DTYMK: variants seen among roughly 807,000 people sequenced by gnomAD.
The protein encoded by DTYMK is deoxythymidylate kinase.
DTYMK carries 20 observed loss-of-function variants against 20.3 expected under a neutral mutation model. The observed-to-expected ratio is 0.99, with a 90% CI of 0.69 to 1.43. The LOEUF (loss-of-function observed/expected upper bound fraction) is 1.43. Ranked by LOEUF, DTYMK falls within the 40% of genes most tolerant of loss-of-function variation. The probability of loss-of-function intolerance (pLI) is 0.00; values close to 1 mark genes in which losing one functional copy is unlikely to be tolerated. For synonymous variants in DTYMK, 148 were observed against 124.4 expected, an observed-to-expected ratio of 1.19 and a Z score of -1.27; for missense variants, 320 against 291.1, an observed-to-expected ratio of 1.10 and a Z score of -0.72.
At chr2:241,684,895 G>A in intron 2 of DTYMK, 1 of 387,570 alleles carries the variant, frequency 2.6e-6, no homozygotes, top group Non-Finnish European at 5.2e-6. Context: ...GGGGTAGTAT[G>A]TAGGGAGCGC....
At chr2:241,686,184 C>A (rs547512506) in intron 1 of DTYMK, among the ~76,000 whole-genome samples, 6 of 152,186 alleles carry the variant, frequency 3.9e-5, no homozygotes, top group Admixed American at 6.5e-5. Context: ...GTCAATGCTT[C>A]ACTTGAAAAC....
chr2:241,676,158 G>C lies in DTYMK; in HGVS notation c.608C>G (p.Thr203Arg). The change falls in exon 5 of 5, where the codon ACA (threonine) becomes AGA (arginine). Residue 203 changes from threonine (T) to arginine (R), a missense_variant. Physicochemically the swap from Thr to Arg is moderately conservative, Grantham distance 71. Transcript: ENST00000305784. ...VLSEDAIRTA[T>R]EKPLGELWK ...CCATAGCTCCCCCAGCGGCTTCTCT[G>C]TGGCAGTGCGGATGGCGTCCTCAGA... The C allele has an allele frequency of 6.2e-7, 1 of 1,612,920 alleles. No individual in the cohort carries two copies. Among genetic ancestry groups the C allele is most frequent in the Non-Finnish European group, 8.5e-7 (1 of 1,179,526 alleles).
At chr2:241,680,048 T>TA (rs2069204133) in intron 3 of DTYMK, among the ~76,000 whole-genome samples, 181 bp downstream of exon 3, 1 of 151,654 alleles carries the variant, frequency 6.6e-6, no homozygotes, top group Non-Finnish European at 1.5e-5. Context: ...AATCTCTAGC[T>TA]ACATAAATGT....
rs545310757 is a variant in DTYMK at position 241,677,359 on chromosome 2, CAG to C, written c.528+1091_528+1092del. Among the ~76,000 whole-genome samples the C allele has an allele frequency of 4.8e-3, 726 of 152,350 alleles. 5 individuals carry two copies. The highest frequency in any genetic ancestry group is 7.4e-3 in the Non-Finnish European group (505 of 68,028). ...GAGCCTCTCCGGGCGGAATGACTGC[CAG>C]AGAGAATGCCGCACTGCCAGAAAAG... On this transcript the variant is annotated intron_variant, in intron 4 of 4. Transcript: ENST00000305784.
chr2:241,683,079 C>T (rs1300525205), intron 2 of DTYMK, among the ~76,000 whole-genome samples: 2 of 152,062 alleles, frequency 1.3e-5, no homozygotes, highest in Admixed American at 6.6e-5. Context: ...GGTTGAGACC[C>T]TGTCCCAAAA....
chr2:241,684,928 C>G (rs2069345313), intron 2 of DTYMK, among the ~76,000 whole-genome samples: 1 of 151,824 alleles, frequency 6.6e-6, no homozygotes, highest in Non-Finnish European at 1.5e-5. Context: ...ACTTTTTGAT[C>G]AGTTTTTCTA....
chr2:241,678,042 G>A (rs376537220), intron 4 of DTYMK, among the ~76,000 whole-genome samples: 2 of 152,172 alleles, frequency 1.3e-5, no homozygotes, highest in East Asian at 1.9e-4. Context: ...TTGGGAGGCC[G>A]AGGTGGGCAG....
rs2069106782 is a variant in DTYMK at position 241,676,074 on chromosome 2, T to A, written c.*53A>T. On this transcript the variant is annotated 3_prime_UTR_variant, in exon 5 of 5. Coordinates refer to ENST00000305784, the MANE Select transcript of DTYMK (RefSeq NM_012145.4). The stretch of plus-strand genomic sequence containing the variant: ...CTGGGGACGGGGCCTTCCGCGAGTC[T>A]CCCACCTCTCGGGGGACTGCAGGGA... The A allele has an allele frequency of 1.3e-6, 2 of 1,532,306 alleles. No homozygotes were observed. The highest frequency in any genetic ancestry group is 2.2e-4 in the Middle Eastern group (1 of 4,460). The allele number at this position is 1,532,306 out of a possible 1,614,324, so 94.9% of individuals were successfully genotyped here. A position where few individuals can be genotyped will look rare whatever the true frequency, so the allele number is the denominator to read the frequency against.
At chr2:241,676,501 G>A (rs150048435) in intron 4 of DTYMK, among the ~76,000 whole-genome samples, 1 of 152,296 alleles carries the variant, frequency 6.6e-6, no homozygotes, top group East Asian at 1.9e-4. Flanking sequence ...TGTGCTCGTG[G>A]GGATTTCACA....
rs2069111359 is a variant in DTYMK at position 241,676,179 on chromosome 2, T to G, written c.587A>C (p.Glu196Ala). ...AVHEDIRVLS[E>A]DAIRTATEKP... ...CTCTGTGGCAGTGCGGATGGCGTCCTCAGAGAGCACGCGGATGTCCTCATG... is the reference window on the plus strand; with the variant it reads ...CTCTGTGGCAGTGCGGATGGCGTCCGCAGAGAGCACGCGGATGTCCTCATG... Residue 196 changes from glutamate (E) to alanine (A), a missense_variant, in exon 5 of 5, where the codon GAG becomes GCG. Physicochemically the swap from Glu to Ala is moderately radical, Grantham distance 107 (BLOSUM62 -1). Coordinates refer to ENST00000305784, the MANE Select transcript of DTYMK (RefSeq NM_012145.4). The G allele has an allele frequency of 1.2e-6, 2 of 1,613,228 alleles. No homozygotes were observed. The highest frequency in any genetic ancestry group is 3.3e-5 in the Admixed American group (2 of 59,992).
chr2:241,680,340 G>A, intron 2 of DTYMK, 21 bp from the exon 3 acceptor site: 2 of 1,613,630 alleles, frequency 1.2e-6, no homozygotes, highest in Non-Finnish European at 1.7e-6. Flanking sequence ...GGATGCTCCT[G>A]AGCCCTGGTC....
chr2:241,684,606 G>A, intron 2 of DTYMK: 2 of 374,160 alleles, frequency 5.3e-6, no homozygotes, highest in South Asian at 4.3e-5. Context: ...AAAGAAAGCT[G>A]CCAAATAATT....
Position 241,676,529 on chromosome 2 carries a change from G to A in DTYMK, c.529-292C>T, listed in dbSNP as rs561457811. The stretch of plus-strand genomic sequence containing the variant: ...ATTTCACACAGGCCGGGCTCTGGAA[G>A]GCCAACCTGAACCTCCTGGCACACT... On this transcript the variant is annotated intron_variant, in intron 4 of 4. Transcript: ENST00000305784. 1.3e-3 allele frequency among the ~76,000 whole-genome samples: 191 copies of A among 152,342 alleles called. 4 individuals carry two copies. In the South Asian group the frequency reaches 0.017, roughly 13 times the overall value.
intron 2 of DTYMK, chr2:241,682,704 C>A: frequency 6.0e-6 from 1 of 165,342 alleles, no homozygotes; most frequent in Non-Finnish European, 1.3e-5. Flanking sequence ...GGTGGATCAC[C>A]TGAGGTCAGG....
chr2:241,676,190 G>A lies in DTYMK; in HGVS notation c.576C>T (p.Arg192=), dbSNP rs371893766. The A allele has an allele frequency of 2.2e-5, 36 of 1,613,168 alleles. No individual in the cohort carries two copies. The highest frequency in any genetic ancestry group is 1.9e-4 in the African/African-American group (14 of 74,898). Residue 192 remains arginine, a synonymous_variant, in exon 5 of 5, where the codon CGC becomes CGT. Coordinates refer to ENST00000305784, the MANE Select transcript of DTYMK (RefSeq NM_012145.4). ...TGCGGATGGCGTCCTCAGAGAGCAC[G>A]CGGATGTCCTCATGGACAGCTTCGA... ...KSIEAVHEDI[R]VLSEDAIRTA...
At chr2:241,676,491 T>C (rs1278610927) in intron 4 of DTYMK, among the ~76,000 whole-genome samples, 2 of 152,250 alleles carry the variant, frequency 1.3e-5, no homozygotes, top group Non-Finnish European at 2.9e-5. Context: ...TTCTGTCCTC[T>C]GTGCTCGTGG....
Position 241,686,109 on chromosome 2 carries a change from GT to G in DTYMK, c.131-233del, listed in dbSNP as rs200158291. ...AATGCTTTAGGAAAAAAGAACTCGG[GT>G]AGAAAGTAGAGACTTCAAAGAAAGC... On this transcript the variant is annotated intron_variant, in intron 1 of 4. Transcript: ENST00000305784. Among the ~76,000 whole-genome samples, 952 of 152,314 alleles carry G rather than the reference GT, an allele frequency of 6.3e-3. 5 individuals carry two copies. Among genetic ancestry groups the G allele is most frequent in the African/African-American group, 0.022 (911 of 41,554 alleles).
At chr2:241,686,029 G>A (rs893830632) in intron 1 of DTYMK, 152 bp from the exon 2 acceptor site, 8 of 729,132 alleles carry the variant, frequency 1.1e-5, no homozygotes, top group East Asian at 2.8e-5. Context: ...TTCTGCGGAA[G>A]CCAAAGGAAT....
At chr2:241,677,554 C>A (rs1023660664) in intron 4 of DTYMK, among the ~76,000 whole-genome samples, 1 of 152,240 alleles carries the variant, frequency 6.6e-6, no homozygotes, top group Non-Finnish European at 1.5e-5. Flanking sequence ...TGCTGGCGCC[C>A]GACGTGCCAG....
Sources: gnomAD v4.1 joint callset for allele counts (sites outside exome capture counted in the v4.1 genomes callset) on GRCh38, gnomAD v4.1.1 for gene constraint, MANE v1.5 for transcripts, NCBI Gene and HGNC (gene_info 2026-07-23, HGNC 2026-07-21) for gene names.